The following FAM78A variants were observed in gnomAD, a reference collection of about 807,000 sequenced individuals.
FAM78A encodes the protein family with sequence similarity 78 member A.
A neutral mutation model predicts 22.6 loss-of-function variants in FAM78A; 12 were observed. That is an observed-to-expected ratio of 0.53 (90% CI 0.34 to 0.86). FAM78A has a LOEUF of 0.86. FAM78A is among the 40% of genes least tolerant of loss of function. The probability of loss-of-function intolerance (pLI) is 0.02; values close to 1 mark genes in which losing one functional copy is unlikely to be tolerated. For synonymous variants in FAM78A, 151 were observed against 155.8 expected (o/e 0.97, Z 0.23); for missense variants, 322 against 396.1 (o/e 0.81, Z 1.59).
chr9:131,267,356 C>A (rs186613131), intron 1 of FAM78A, among the ~76,000 whole-genome samples: 67 of 152,220 alleles, frequency 4.4e-4, no homozygotes, highest in Non-Finnish European at 5.9e-5. Flanking sequence ...AAGCAAGAGA[C>A]CCTCGCCTGT....
At chr9:131,278,228 G>T (rs1055049976), upstream of FAM78A, among the ~76,000 whole-genome samples, 1 of 152,070 alleles carries the variant, frequency 6.6e-6, no homozygotes, top group African/African-American at 2.4e-5. Flanking sequence ...TTTTTGGCCA[G>T]CCCCGGGAAT....
chr9:131,270,364 T>C (rs1835402126), intron 1 of FAM78A: 2 of 717,446 alleles, frequency 2.8e-6, no homozygotes, highest in East Asian at 2.7e-5. Flanking sequence ...ACGACTGATC[T>C]TTTTCAATGC....
chr9:131,267,276 A>C (rs1226356792), intron 1 of FAM78A, among the ~76,000 whole-genome samples: 1 of 152,150 alleles, frequency 6.6e-6, no homozygotes, highest in Non-Finnish European at 1.5e-5. Flanking sequence ...AGACTCAACT[A>C]TGGGAGTCTG....
chr9:131,278,698 T>C (rs1033792014), upstream of FAM78A, among the ~76,000 whole-genome samples: 3 of 152,224 alleles, frequency 2.0e-5, no homozygotes, highest in African/African-American at 7.2e-5. Context: ...AGCATGAGGC[T>C]GTACAGCCAT....
chr9:131,268,323 C>A (rs73656108), intron 1 of FAM78A, among the ~76,000 whole-genome samples: 3 of 152,132 alleles, frequency 2.0e-5, no homozygotes, highest in Admixed American at 1.3e-4. Flanking sequence ...ACATCCCCCC[C>A]GCACTGCCGC....
At chr9:131,278,933 G>T (rs1316347313), upstream of FAM78A, among the ~76,000 whole-genome samples, 1 of 152,250 alleles carries the variant, frequency 6.6e-6, no homozygotes, top group East Asian at 1.9e-4. Flanking sequence ...GGGCTGGAGG[G>T]ACCGAGGGGC....
upstream of FAM78A, among the ~76,000 whole-genome samples, chr9:131,277,967 C>G (rs908965105): frequency 6.8e-6 from 1 of 146,676 alleles, no homozygotes; most frequent in Non-Finnish European, 1.5e-5. The surrounding 1 kb of genome is among the most constrained non-coding windows in gnomAD (Gnocchi z 8.4). Flanking sequence ...CGCTCGCCGC[C>G]GCCGCCGGCC....
At position 131,261,490 on chromosome 9, in the gene FAM78A, G is replaced by A. The variant is rs1306902454; in HGVS notation, c.324-140C>T. ...CACCCGGTCCCCTTTGACGTTCTGG[G>A]GGCAGGGGGTCAGACAGTAGCTCGG... On this transcript the variant is annotated intron_variant, in intron 1 of 1. Coordinates refer to ENST00000372271, the MANE Select transcript of FAM78A (RefSeq NM_033387.4). This position sits in a 1 kb window ranked among gnomAD's most constrained non-coding sequence, Gnocchi z 7.1. 1.4e-6 allele frequency: 1 copy of A among 705,186 alleles called. No individual in the cohort carries two copies. The highest frequency in any genetic ancestry group is 2.3e-6 in the Non-Finnish European group (1 of 439,030). The allele number at this position is 705,186 out of a possible 1,614,324, so 43.7% of individuals were successfully genotyped here.
In FAM78A at chr9:131,274,081, T is replaced by C. The variant is rs1835451321; in HGVS notation, c.323+1776A>G. Reference sequence around the variant, plus strand: ...CCACATCACCCACACCTACTCAGGGTCACCAGATGGAGAACAAGTCTTAGA... The same window carrying C: ...CCACATCACCCACACCTACTCAGGGCCACCAGATGGAGAACAAGTCTTAGA... On this transcript the variant is annotated intron_variant, in intron 1 of 1. Coordinates refer to ENST00000372271, the MANE Select transcript of FAM78A (RefSeq NM_033387.4). This position sits in a 1 kb window ranked among gnomAD's most constrained non-coding sequence, Gnocchi z 4.2. Among the ~76,000 whole-genome samples, 2 of 152,210 alleles carry C rather than the reference T, an allele frequency of 1.3e-5. No individual in the cohort carries two copies. Among genetic ancestry groups the C allele is most frequent in the African/African-American group, 4.8e-5 (2 of 41,446 alleles).
chr9:131,260,646 A>C lies in FAM78A; in HGVS notation c.*176T>G. Reference sequence around the variant, plus strand: ...CTGCTTAGATCTCCCCTCTCCCTGAAAGGAAGCAGGTGCCGAGAGCCGGGG... The same window carrying C: ...CTGCTTAGATCTCCCCTCTCCCTGACAGGAAGCAGGTGCCGAGAGCCGGGG... On this transcript the variant is annotated 3_prime_UTR_variant, in exon 2 of 2. Coordinates refer to ENST00000372271, the MANE Select transcript of FAM78A (RefSeq NM_033387.4). The surrounding 1 kb of genome is among the most constrained non-coding windows in gnomAD (Gnocchi z 5.4). The C allele has an allele frequency of 1.5e-6, 1 of 654,542 alleles. No individual in the cohort carries two copies. Among genetic ancestry groups the C allele is most frequent in the East Asian group, 3.0e-5 (1 of 32,944 alleles). The allele number at this position is 654,542 out of a possible 1,614,324, so 40.5% of individuals were successfully genotyped here.
upstream of FAM78A, among the ~76,000 whole-genome samples, chr9:131,277,051 C>G (rs1404903059): frequency 6.6e-6 from 1 of 150,812 alleles, no homozygotes; most frequent in Admixed American, 6.6e-5. The surrounding 1 kb of genome is among the most constrained non-coding windows in gnomAD (Gnocchi z 8.4). Context: ...TGGGCGCGGG[C>G]TGCGGAGCTG....
chr9:131,261,179 G>A lies in FAM78A; in HGVS notation c.495C>T (p.Ser165=), dbSNP rs777877814. 8 of 1,614,076 alleles carry A rather than the reference G, an allele frequency of 5.0e-6. No individual in the cohort carries two copies. The highest frequency in any genetic ancestry group is 1.3e-5 in the African/African-American group (1 of 75,022). Residue 165 remains serine (S), a synonymous_variant, in exon 2 of 2, where the codon AGC becomes AGT. Coordinates refer to ENST00000372271, the MANE Select transcript of FAM78A (RefSeq NM_033387.4). The surrounding 1 kb of genome is among the most constrained non-coding windows in gnomAD (Gnocchi z 7.1). ...IISMNDNFYP[S]VTWAVPVSES... ...CGCTGACGGGCACGGCCCATGTGACGCTGGGGTAAAAGTTGTCATTCATGC... is the reference window on the plus strand; with the variant it reads ...CGCTGACGGGCACGGCCCATGTGACACTGGGGTAAAAGTTGTCATTCATGC...
At chr9:131,264,679 C>A (rs1200830511) in intron 1 of FAM78A, 2 of 709,636 alleles carry the variant, frequency 2.8e-6, no homozygotes, top group African/African-American at 3.5e-5. Context: ...GACCAGGTAG[C>A]CCTGATTTGA....
In FAM78A at chr9:131,260,768, T is replaced by G; in HGVS notation, c.*54A>C. The G allele has an allele frequency of 6.7e-7, 1 of 1,495,494 alleles. No homozygotes were observed. The highest frequency in any genetic ancestry group is 2.0e-4 in the Middle Eastern group (1 of 4,952). The allele number at this position is 1,495,494 out of a possible 1,614,324, so 92.6% of individuals were successfully genotyped here. On this transcript the variant is annotated 3_prime_UTR_variant, in exon 2 of 2. Coordinates refer to ENST00000372271, the MANE Select transcript of FAM78A (RefSeq NM_033387.4). This position sits in a 1 kb window ranked among gnomAD's most constrained non-coding sequence, Gnocchi z 5.4. ...ATGACTGAAGAGTGAGTCTGAGTTTTGTTTTCAGCGGTATTATTATTTGTG... is the reference window on the plus strand; with the variant it reads ...ATGACTGAAGAGTGAGTCTGAGTTTGGTTTTCAGCGGTATTATTATTTGTG...
chr9:131,264,682 T>C, intron 1 of FAM78A: 1 of 704,852 alleles, frequency 1.4e-6, no homozygotes, highest in Non-Finnish European at 2.6e-6. Context: ...CAGGTAGCCC[T>C]GATTTGACCC....
In FAM78A at chr9:131,261,498, G is replaced by C; in HGVS notation, c.324-148C>G. On this transcript the variant is annotated intron_variant, in intron 1 of 1. Coordinates refer to ENST00000372271, the MANE Select transcript of FAM78A (RefSeq NM_033387.4). This position sits in a 1 kb window ranked among gnomAD's most constrained non-coding sequence, Gnocchi z 7.1. ...CCCCTTTGACGTTCTGGGGGCAGGGGGTCAGACAGTAGCTCGGAGTCACTG... is the reference window on the plus strand; with the variant it reads ...CCCCTTTGACGTTCTGGGGGCAGGGCGTCAGACAGTAGCTCGGAGTCACTG... 1 of 664,830 alleles carries C rather than the reference G, an allele frequency of 1.5e-6. No homozygotes were observed. The allele number at this position is 664,830 out of a possible 1,614,324, so 41.2% of individuals were successfully genotyped here. A position where few individuals can be genotyped will look rare whatever the true frequency, so the allele number is the denominator to read the frequency against.
Position 131,270,028 on chromosome 9 carries a change from C to T in FAM78A, c.323+5829G>A, listed in dbSNP as rs984397338. Reference sequence around the variant, plus strand: ...TGGTCAGCATGGTGAAACCCCATCCCTACTAAAATAAAAAAAAAAAAAAAA... The same window carrying T: ...TGGTCAGCATGGTGAAACCCCATCCTTACTAAAATAAAAAAAAAAAAAAAA... On this transcript the variant is annotated intron_variant, in intron 1 of 1. Coordinates refer to ENST00000372271, the MANE Select transcript of FAM78A (RefSeq NM_033387.4). 3.2e-5 allele frequency among the ~76,000 whole-genome samples: 4 copies of T among 126,454 alleles called. No individual in the cohort carries two copies. In the East Asian group the frequency reaches 9.2e-4, roughly 29 times the overall value. 83.0% of individuals were successfully genotyped at this position (126,454 alleles called of 152,430 possible).
chr9:131,270,137 C>G lies in FAM78A; in HGVS notation c.323+5720G>C, dbSNP rs1445722560. On this transcript the variant is annotated intron_variant, in intron 1 of 1. Transcript: ENST00000372271. Reference sequence around the variant, plus strand: ...AGGAGAATCGCTTGAACCCGGGAGGCGGATGTTGCAGTGAGCCAAGATCAT... The same window carrying G: ...AGGAGAATCGCTTGAACCCGGGAGGGGGATGTTGCAGTGAGCCAAGATCAT... 6.6e-6 allele frequency: 4 copies of G among 609,678 alleles called. No individual in the cohort carries two copies. In the Admixed American group the frequency reaches 1.0e-4, roughly 15 times the overall value. The allele number at this position is 609,678 out of a possible 1,614,324, so 37.8% of individuals were successfully genotyped here.
rs992662179 is a variant in FAM78A at position 131,274,731 on chromosome 9, T to C, written c.323+1126A>G. Reference sequence around the variant, plus strand: ...ATGAGATTCTTAAATCTGTGATAAGTTCCAGCTCCTGGGGAAATTCTCCTC... The same window carrying C: ...ATGAGATTCTTAAATCTGTGATAAGCTCCAGCTCCTGGGGAAATTCTCCTC... On this transcript the variant is annotated intron_variant, in intron 1 of 1. Coordinates refer to ENST00000372271, the MANE Select transcript of FAM78A (RefSeq NM_033387.4). This position sits in a 1 kb window ranked among gnomAD's most constrained non-coding sequence, Gnocchi z 4.2. 2.6e-5 allele frequency among the ~76,000 whole-genome samples: 4 copies of C among 152,208 alleles called. 1 individual carries two copies. The South Asian group carries it at 8.3e-4, about 32-fold the overall frequency.
Sources: gnomAD v4.1 joint callset for allele counts (sites outside exome capture counted in the v4.1 genomes callset) on GRCh38, gnomAD v4.1.1 for gene constraint, Gnocchi (gnomAD v3.1) non-coding constraint, MANE v1.5 for transcripts, NCBI Gene and HGNC (gene_info 2026-07-23, HGNC 2026-07-21) for gene names.